Variants in DTNB observed in about 807,000 individuals in gnomAD.
DTNB encodes dystrobrevin beta.
A neutral mutation model predicts 90.7 loss-of-function variants in DTNB; 63 were observed. The observed-to-expected ratio is 0.69, with a 90% CI of 0.57 to 0.86. The LOEUF is 0.86. DTNB is among the 40% of genes least tolerant of loss of function. The pLI, the probability that DTNB is intolerant of heterozygous loss-of-function variation, is 0.00. For synonymous variants in DTNB, 277 were observed against 286.7 expected, an observed-to-expected ratio of 0.97 and a Z score of 0.34; for missense variants, 744 against 807.1, an observed-to-expected ratio of 0.92 and a Z score of 0.95.
intron 3 of DTNB, among the ~76,000 whole-genome samples, chr2:25,630,997 C>T (rs2075602669): frequency 6.6e-6 from 1 of 151,490 alleles, no homozygotes; most frequent in African/African-American, 2.4e-5. Context: ...GAAATGTCCA[C>T]ATAGGCAAAT....
chr2:25,481,400 G>A (rs559357795), intron 10 of DTNB, among the ~76,000 whole-genome samples: 1 of 94,622 alleles, frequency 1.1e-5, no homozygotes, highest in African/African-American at 4.1e-5. Flanking sequence ...CAGAGACAGT[G>A]TCTCCAAATT....
chr2:25,388,188 C>A lies in DTNB; in HGVS notation c.1735+14G>T. Reference sequence around the variant, plus strand: ...CCCTTCAGCTCCCCGCTGAACTCTGCTCCAGAAACTCACCTTGTGCGAAGG... The same window carrying A: ...CCCTTCAGCTCCCCGCTGAACTCTGATCCAGAAACTCACCTTGTGCGAAGG... On this transcript the variant is annotated intron_variant, in intron 17 of 20. Coordinates refer to ENST00000406818, the MANE Select transcript of DTNB (RefSeq NM_021907.5). The A allele has an allele frequency of 2.6e-6, 4 of 1,556,924 alleles. No individual in the cohort carries two copies. The highest frequency in any genetic ancestry group is 3.5e-6 in the Non-Finnish European group (4 of 1,151,750).
At chr2:25,489,815 T>G (rs1215018339) in intron 9 of DTNB, among the ~76,000 whole-genome samples, 1 of 152,040 alleles carries the variant, frequency 6.6e-6, no homozygotes, top group Admixed American at 6.6e-5. Flanking sequence ...AAAAAAAATT[T>G]GAGGAACTAC....
chr2:25,624,758 G>A (rs886263268), intron 4 of DTNB, among the ~76,000 whole-genome samples: 14 of 152,130 alleles, frequency 9.2e-5, no homozygotes, highest in African/African-American at 3.4e-4. Flanking sequence ...TTTGGATATC[G>A]TTATTATATT....
chr2:25,438,059 G>T (rs2056413365), intron 12 of DTNB, among the ~76,000 whole-genome samples: 1 of 152,168 alleles, frequency 6.6e-6, no homozygotes, highest in South Asian at 2.1e-4. Context: ...CCAGGTGAAG[G>T]TCTGAGGGAA....
At chr2:25,629,866 G>T (rs1477654517) in intron 3 of DTNB, among the ~76,000 whole-genome samples, 1 of 151,936 alleles carries the variant, frequency 6.6e-6, no homozygotes, top group Non-Finnish European at 1.5e-5. Context: ...TTCAAGTACA[G>T]GCAGCAAAAA....
At chr2:25,501,443 G>T (rs1017725711) in intron 9 of DTNB, among the ~76,000 whole-genome samples, 3 of 151,902 alleles carry the variant, frequency 2.0e-5, no homozygotes, top group African/African-American at 2.4e-5. Flanking sequence ...GCAGTAGTCA[G>T]ATCTCAGCTC....
At chr2:25,649,962 T>C in intron 2 of DTNB, 4 of 960,830 alleles carry the variant, frequency 4.2e-6, no homozygotes, top group Non-Finnish European at 5.0e-6. Context: ...GCAGACACTA[T>C]AGTCACCCAT....
chr2:25,607,117 G>GT, intron 5 of DTNB, 119 bp downstream of exon 5: 2 of 1,058,996 alleles, frequency 1.9e-6, no homozygotes, highest in South Asian at 1.7e-5. Context: ...CTGCTGCAGC[G>GT]TGAGTGACAT....
At chr2:25,580,413 C>A (rs565673088) in intron 7 of DTNB, among the ~76,000 whole-genome samples, 1 of 151,552 alleles carries the variant, frequency 6.6e-6, no homozygotes, top group South Asian at 2.1e-4. Flanking sequence ...CCCAGCTACT[C>A]GGGAGGCTGA....
intron 9 of DTNB, among the ~76,000 whole-genome samples, chr2:25,505,517 C>G (rs2072170323): frequency 6.6e-6 from 1 of 152,120 alleles, no homozygotes; most frequent in South Asian, 2.1e-4. Flanking sequence ...GTACCCACAT[C>G]AACAAGATAT....
At chr2:25,410,319 G>C (rs2046277575) in intron 16 of DTNB, among the ~76,000 whole-genome samples, 1 of 152,130 alleles carries the variant, frequency 6.6e-6, no homozygotes, top group Non-Finnish European at 1.5e-5. Flanking sequence ...GCCTGACATT[G>C]ATGAGTGATG....
chr2:25,470,802 G>A (rs765626828), intron 10 of DTNB, among the ~76,000 whole-genome samples: 1 of 152,074 alleles, frequency 6.6e-6, no homozygotes, highest in African/African-American at 2.4e-5. Context: ...CAGATCCATG[G>A]GGCAAGCAAT....
intron 9 of DTNB, among the ~76,000 whole-genome samples, chr2:25,496,562 G>A (rs2068887398): frequency 6.6e-6 from 1 of 152,160 alleles, no homozygotes; most frequent in Non-Finnish European, 1.5e-5. Flanking sequence ...GATATAGTGG[G>A]GCTGGGCGCA....
At chr2:25,417,464 T>G (rs1361430344) in intron 16 of DTNB, among the ~76,000 whole-genome samples, 2 of 152,208 alleles carry the variant, frequency 1.3e-5, no homozygotes, top group Non-Finnish European at 2.9e-5. Flanking sequence ...ATTTTAAAAA[T>G]TAAATGTCTA....
intron 16 of DTNB, among the ~76,000 whole-genome samples, chr2:25,414,311 C>A (rs2047348767): frequency 6.6e-6 from 1 of 152,182 alleles, no homozygotes; most frequent in African/African-American, 2.4e-5. Context: ...GTGCGGAGTG[C>A]AGTGGTGCGA....
chr2:25,443,671 A>G (rs991937650), intron 12 of DTNB, among the ~76,000 whole-genome samples: 7 of 152,194 alleles, frequency 4.6e-5, no homozygotes, highest in African/African-American at 1.7e-4. Context: ...TCTCTCAAAA[A>G]TCCAATCTGC....
chr2:25,587,144 A>T (rs2062601682), intron 6 of DTNB, among the ~76,000 whole-genome samples: 1 of 152,200 alleles, frequency 6.6e-6, no homozygotes, highest in Non-Finnish European at 1.5e-5. Context: ...CTGTGGTTCG[A>T]CTGCTGAGAG....
intron 3 of DTNB, among the ~76,000 whole-genome samples, chr2:25,637,998 G>A (rs1454340453): frequency 6.6e-6 from 1 of 152,172 alleles, no homozygotes; most frequent in East Asian, 1.9e-4. Flanking sequence ...AGAAAATGTG[G>A]CACATATACA....
Sources: allele counts gnomAD v4.1 joint callset (sites outside exome capture counted in the v4.1 genomes callset), GRCh38; gene constraint gnomAD v4.1.1; transcripts MANE v1.5; gene names NCBI Gene and HGNC (gene_info 2026-07-23, HGNC 2026-07-21).